PHLPP1: variants seen among roughly 807,000 people sequenced by gnomAD.
PHLPP1 encodes PH domain and leucine rich repeat protein phosphatase 1, also known as PH domain leucine-rich repeat-containing protein phosphatase 1.
PHLPP1 carries 42 observed loss-of-function variants against 117.2 expected under a neutral mutation model. The observed-to-expected ratio is 0.36, with a 90% CI of 0.28 to 0.46. The LOEUF (loss-of-function observed/expected upper bound fraction) is 0.46. Among genes scored for constraint, PHLPP1 ranks in the 20% least tolerant of loss-of-function variants. The pLI, the probability that PHLPP1 is intolerant of heterozygous loss-of-function variation, is 1.00. For missense variants in PHLPP1, 2,084 were observed against 2,241.9 expected, an observed-to-expected ratio of 0.93 and a Z score of 1.42; for synonymous variants, 1,042 against 970.7, an observed-to-expected ratio of 1.07 and a Z score of -1.37.
chr18:62,925,816 A>G (rs905535279), intron 10 of PHLPP1, among the ~76,000 whole-genome samples: 2 of 152,194 alleles, frequency 1.3e-5, no homozygotes, highest in African/African-American at 2.4e-5. Flanking sequence ...AAACATGCAG[A>G]TTCTTGGCTC....
intron 4 of PHLPP1, 86 bp downstream of exon 4, chr18:62,860,687 A>T: frequency 9.0e-7 from 1 of 1,116,270 alleles, no homozygotes. Flanking sequence ...ATTCTCATGA[A>T]AAAAGCTAGT....
intron 1 of PHLPP1, among the ~76,000 whole-genome samples, chr18:62,769,722 G>A (rs754507959): frequency 2.0e-5 from 3 of 152,194 alleles, no homozygotes; most frequent in Non-Finnish European, 4.4e-5. Context: ...TTTAAGCATA[G>A]TATACCCAAA....
chr18:62,944,175 A>G lies in PHLPP1; in HGVS notation c.3162-934A>G, dbSNP rs1910211260. ...TATTCAGCTTATGAGTCTGGATCAC[A>G]CTAATGGGGAATCCTGTGCTTCTTG... On this transcript the variant is annotated intron_variant, in intron 11 of 16. Transcript: ENST00000262719. Among the ~76,000 whole-genome samples the G allele has an allele frequency of 2.6e-5, 4 of 152,312 alleles. No individual in the cohort carries two copies. In the South Asian group the frequency reaches 8.3e-4, roughly 32 times the overall value.
rs756780211 is a variant in PHLPP1 at position 62,715,692 on chromosome 18, C to T, written c.9C>T (p.Pro3=). 25 of 1,291,382 alleles carry T rather than the reference C, an allele frequency of 1.9e-5. No homozygotes were observed. In the South Asian group the frequency reaches 5.7e-4, roughly 30 times the overall value. The allele number at this position is 1,291,382 out of a possible 1,614,324, so 80.0% of individuals were successfully genotyped here. A position where few individuals can be genotyped will look rare whatever the true frequency, so the allele number is the denominator to read the frequency against. ME[P]AAAATVQRLP... ...CGCGAAGCCCCACTGCAATGGAGCC[C>T]GCCGCCGCGGCCACGGTACAGCGAC... Residue 3 remains proline (P), a synonymous_variant, in exon 1 of 17, where the codon CCC becomes CCT. Coordinates refer to ENST00000262719, the MANE Select transcript of PHLPP1 (RefSeq NM_194449.4).
At chr18:62,872,256 A>T (rs1288564532) in intron 4 of PHLPP1, among the ~76,000 whole-genome samples, 1 of 152,228 alleles carries the variant, frequency 6.6e-6, no homozygotes, top group African/African-American at 2.4e-5. Flanking sequence ...GGGAGACCAA[A>T]GGAAGATGAG....
chr18:62,851,390 C>G (rs115563164), intron 3 of PHLPP1, among the ~76,000 whole-genome samples: 1 of 152,142 alleles, frequency 6.6e-6, no homozygotes, highest in Non-Finnish European at 1.5e-5. Flanking sequence ...TACCTCATAG[C>G]CTATCATTTT....
At chr18:62,830,458 A>G (rs561455897) in intron 2 of PHLPP1, among the ~76,000 whole-genome samples, 146 of 152,250 alleles carry the variant, frequency 9.6e-4, no homozygotes, top group Non-Finnish European at 1.6e-3. Flanking sequence ...TGAACTCCTG[A>G]CCTCAAGTGA....
chr18:62,914,406 C>CTATG (rs1917044481), intron 8 of PHLPP1, among the ~76,000 whole-genome samples: 1 of 152,106 alleles, frequency 6.6e-6, no homozygotes, highest in Non-Finnish European at 1.5e-5. Flanking sequence ...ATGATACAGA[C>CTATG]TATGTAACTA....
intron 1 of PHLPP1, among the ~76,000 whole-genome samples, chr18:62,817,010 T>C (rs1227840843): frequency 6.6e-6 from 1 of 152,188 alleles, no homozygotes; most frequent in African/African-American, 2.4e-5. Context: ...GGTGTGACTT[T>C]GACTCACTTC....
rs200659921 is a variant in PHLPP1, at chr18:62,888,287, ATGTGTGTGTGTGTGTG to A, written c.2067-6692_2067-6677del. ...AGAATTATTTAAAATATTTCACAAA[ATGTGTGTGTGTGTGTG>A]TGTGTGTGTGTGTGTGTGTGTGTGT... On this transcript the variant is annotated intron_variant, in intron 4 of 16. Coordinates refer to ENST00000262719, the MANE Select transcript of PHLPP1 (RefSeq NM_194449.4). 6.4e-4 allele frequency among the ~76,000 whole-genome samples: 84 copies of A among 130,898 alleles called. No individual in the cohort carries two copies. In the East Asian group the frequency reaches 9.3e-3, roughly 14 times the overall value. The allele number at this position is 130,898 out of a possible 152,430, so 85.9% of individuals were successfully genotyped here. A position where few individuals can be genotyped will look rare whatever the true frequency, so the allele number is the denominator to read the frequency against.
intron 1 of PHLPP1, among the ~76,000 whole-genome samples, chr18:62,817,854 T>C (rs1914336541): frequency 8.0e-6 from 1 of 125,704 alleles, no homozygotes; most frequent in African/African-American, 2.8e-5. Flanking sequence ...CAACAGACTT[T>C]TTTTTTTTTT....
chr18:62,894,572 T>G (rs896248605), intron 4 of PHLPP1, among the ~76,000 whole-genome samples: 7 of 152,210 alleles, frequency 4.6e-5, no homozygotes, highest in African/African-American at 1.7e-4. Flanking sequence ...AAGTTTTTAT[T>G]ATTTCAGTTT....
chr18:62,929,599 A>G (rs902469063), intron 10 of PHLPP1, among the ~76,000 whole-genome samples: 2 of 152,174 alleles, frequency 1.3e-5, no homozygotes, highest in African/African-American at 4.8e-5. Context: ...TTTGAGACTG[A>G]AAGGTGGGAA....
Position 62,845,387 on chromosome 18 carries a change from C to T in PHLPP1, c.1899+6478C>T, listed in dbSNP as rs371473351. ...CTAAACATGCACAGTGTAGGCAAATCGGAGCCACATTTCATGCTAAACGAT... is the reference window on the plus strand; with the variant it reads ...CTAAACATGCACAGTGTAGGCAAATTGGAGCCACATTTCATGCTAAACGAT... On this transcript the variant is annotated intron_variant, in intron 3 of 16. Coordinates refer to ENST00000262719, the MANE Select transcript of PHLPP1 (RefSeq NM_194449.4). Among the ~76,000 whole-genome samples the T allele has an allele frequency of 8.5e-5, 13 of 152,220 alleles. No individual in the cohort carries two copies. In the East Asian group the frequency reaches 9.6e-4, roughly 11 times the overall value.
chr18:62,825,808 C>CT (rs1914597845), intron 1 of PHLPP1, among the ~76,000 whole-genome samples: 1 of 152,110 alleles, frequency 6.6e-6, no homozygotes, highest in African/African-American at 2.4e-5. Context: ...TAATACTCAG[C>CT]TTTTTTTATT....
At chr18:62,852,151 A>C (rs368012393) in intron 3 of PHLPP1, among the ~76,000 whole-genome samples, 2 of 152,076 alleles carry the variant, frequency 1.3e-5, no homozygotes, top group African/African-American at 4.8e-5. Flanking sequence ...AAGTGTAGAA[A>C]TTACAGGCAT....
chr18:62,905,258 T>C lies in PHLPP1; in HGVS notation c.2682T>C (p.Asn894=). 2 of 1,548,086 alleles carry C rather than the reference T, an allele frequency of 1.3e-6. No homozygotes were observed. Among genetic ancestry groups the C allele is most frequent in the Non-Finnish European group, 1.7e-6 (2 of 1,148,416 alleles). Residue 894 remains asparagine (N), a synonymous_variant, in exon 8 of 17, where the codon AAT becomes AAC. Transcript: ENST00000262719. ...LVQLDVYPVP[N]YLSYMDVSRN... ...AACTTGATGTTTACCCAGTTCCAAA[T>C]TATCTGTCCTACATGGATGTTTCAA...
rs146835345 is a variant in PHLPP1 at position 62,744,575 on chromosome 18, A to T, written c.1576+27316A>T. Among the ~76,000 whole-genome samples the T allele has an allele frequency of 2.6e-5, 4 of 152,336 alleles. No individual in the cohort carries two copies. The East Asian group carries it at 7.7e-4, about 29-fold the overall frequency. On this transcript the variant is annotated intron_variant, in intron 1 of 16. Transcript: ENST00000262719. Reference sequence around the variant, plus strand: ...GTGGATATTGGTTTTTTAGTGCCTAACAGAAGGCTTGGTGTATAGTAGGTG... The same window carrying T: ...GTGGATATTGGTTTTTTAGTGCCTATCAGAAGGCTTGGTGTATAGTAGGTG...
intron 4 of PHLPP1, among the ~76,000 whole-genome samples, chr18:62,891,264 A>G (rs1020022968): frequency 9.9e-5 from 15 of 152,232 alleles, no homozygotes; most frequent in African/African-American, 3.4e-4. Context: ...TCAATTATAT[A>G]TATCGATATT....
Sources: gnomAD v4.1 joint callset for allele counts (sites outside exome capture counted in the v4.1 genomes callset) on GRCh38, gnomAD v4.1.1 for gene constraint, MANE v1.5 for transcripts, NCBI Gene and HGNC (gene_info 2026-07-23, HGNC 2026-07-21) for gene names.